The following PTPRG variants were observed in gnomAD, a reference collection of about 807,000 sequenced individuals.
The protein encoded by PTPRG is receptor-type tyrosine-protein phosphatase gamma.
In PTPRG, 102 loss-of-function variants were observed where a neutral mutation model predicts 165.3. The ratio of observed to expected loss-of-function variants is 0.62; its 90% CI spans 0.53 to 0.73. PTPRG has a LOEUF of 0.73. Ranked by LOEUF, PTPRG falls within the 30% of genes least tolerant of loss-of-function variation. The pLI is 0.00. For missense variants in PTPRG, 1,866 were observed against 1,861.4 expected, an observed-to-expected ratio of 1.00 and a Z score of -0.05; for synonymous variants, 675 against 669.5, an observed-to-expected ratio of 1.01 and a Z score of -0.13.
intron 6 of PTPRG, among the ~76,000 whole-genome samples, chr3:62,150,624 G>A (rs1211385046): frequency 1.3e-5 from 2 of 152,032 alleles, no homozygotes; most frequent in Non-Finnish European, 2.9e-5. Context: ...GGCTAGCCCT[G>A]CCCCAGTGAT....
chr3:62,197,966 C>A (rs1296005436), intron 10 of PTPRG, among the ~76,000 whole-genome samples: 1 of 151,938 alleles, frequency 6.6e-6, no homozygotes. Context: ...GATAAGGGGG[C>A]AAGTTTTAAA....
chr3:61,903,256 C>G (rs1575768421), intron 2 of PTPRG, among the ~76,000 whole-genome samples: 1 of 152,344 alleles, frequency 6.6e-6, no homozygotes, highest in East Asian at 1.9e-4. Flanking sequence ...CTCGTCCTTT[C>G]ATCTGAGTGT....
At chr3:62,263,553 T>A (rs961448316) in intron 17 of PTPRG, 4 of 152,508 alleles carry the variant, frequency 2.6e-5, no homozygotes, top group African/African-American at 9.6e-5. Context: ...GCTTTGATAC[T>A]AAGGGTAGGG....
At chr3:61,962,199 T>TGTG (rs1252105546) in intron 2 of PTPRG, among the ~76,000 whole-genome samples, 1 of 152,202 alleles carries the variant, frequency 6.6e-6, no homozygotes, top group Non-Finnish European at 1.5e-5. Context: ...TGTTTAACAT[T>TGTG]GTGGAAGACT....
At chr3:62,020,583 C>G (rs572534235) in intron 4 of PTPRG, among the ~76,000 whole-genome samples, 4 of 152,152 alleles carry the variant, frequency 2.6e-5, no homozygotes, top group Admixed American at 2.6e-4. Context: ...AACTTATTTC[C>G]ACTTAATAGA....
At chr3:62,094,657 G>A (rs1702050339) in intron 5 of PTPRG, among the ~76,000 whole-genome samples, 1 of 152,206 alleles carries the variant, frequency 6.6e-6, no homozygotes, top group Non-Finnish European at 1.5e-5. Context: ...AGCACCTGCT[G>A]AGTTGCTCAG....
intron 4 of PTPRG, among the ~76,000 whole-genome samples, chr3:62,050,104 A>G (rs1162247380): frequency 2.6e-5 from 4 of 152,200 alleles, no homozygotes; most frequent in Admixed American, 2.6e-4. Flanking sequence ...AATAGGTAAA[A>G]CAATACTGTC....
rs1056519028 is a variant in PTPRG at position 62,122,775 on chromosome 3, A to C, written c.616-9827A>C. The stretch of plus-strand genomic sequence containing the variant: ...ATTTTAAACAAACTGCTTCTTTTCA[A>C]ACTCTAGAAACGGTGACATAGCAGC... On this transcript the variant is annotated intron_variant, in intron 5 of 29. Transcript: ENST00000474889. Among the ~76,000 whole-genome samples the C allele has an allele frequency of 6.6e-5, 10 of 152,300 alleles. No individual in the cohort carries two copies. In the East Asian group the frequency reaches 1.9e-3, roughly 29 times the overall value.
At chr3:61,884,794 A>G (rs2037984456) in intron 2 of PTPRG, among the ~76,000 whole-genome samples, 1 of 152,188 alleles carries the variant, frequency 6.6e-6, no homozygotes, top group Non-Finnish European at 1.5e-5. Context: ...AGCAGGTACA[A>G]GGCTACATTG....
chr3:61,917,579 A>G (rs1404762330), intron 2 of PTPRG, among the ~76,000 whole-genome samples: 2 of 152,156 alleles, frequency 1.3e-5, no homozygotes, highest in Admixed American at 1.3e-4. Flanking sequence ...ATGTCTTAAA[A>G]TCTTGGTTAC....
At chr3:61,856,201 G>A (rs771122042) in intron 2 of PTPRG, among the ~76,000 whole-genome samples, 5 of 151,764 alleles carry the variant, frequency 3.3e-5, no homozygotes, top group South Asian at 2.1e-4. Context: ...TCTCAGTGGC[G>A]CTTAGTATAT....
intron 1 of PTPRG, among the ~76,000 whole-genome samples, chr3:61,580,940 A>G (rs1462763093): frequency 1.3e-5 from 2 of 152,272 alleles, no homozygotes; most frequent in Admixed American, 6.5e-5. Flanking sequence ...CAGGGAAGTA[A>G]TGTCTTGATG....
intron 2 of PTPRG, among the ~76,000 whole-genome samples, chr3:61,882,395 C>G (rs1189322779): frequency 6.6e-6 from 1 of 152,122 alleles, no homozygotes; most frequent in African/African-American, 2.4e-5. Flanking sequence ...TCTGAGATGA[C>G]ACAGTTTGAA....
chr3:62,082,371 T>C (rs1701611301), intron 5 of PTPRG, among the ~76,000 whole-genome samples: 2 of 152,208 alleles, frequency 1.3e-5, no homozygotes, highest in Admixed American at 1.3e-4. Flanking sequence ...CATCTGGTTG[T>C]CCAATGAACC....
intron 3 of PTPRG, among the ~76,000 whole-genome samples, chr3:61,993,463 C>T (rs2040947001): frequency 6.6e-6 from 1 of 152,078 alleles, no homozygotes; most frequent in South Asian, 2.1e-4. Flanking sequence ...AGGTGATCCG[C>T]CCACTTCTGC....
At chr3:61,600,823 G>A (rs1700844562) in intron 1 of PTPRG, among the ~76,000 whole-genome samples, 2 of 152,184 alleles carry the variant, frequency 1.3e-5, no homozygotes, top group Admixed American at 1.3e-4. Context: ...TTACAGGCTT[G>A]AGCCACTGCA....
At chr3:61,613,504 G>T (rs1019059832) in intron 1 of PTPRG, among the ~76,000 whole-genome samples, 2 of 152,168 alleles carry the variant, frequency 1.3e-5, no homozygotes, top group African/African-American at 4.8e-5. Context: ...TGAGTCAAAT[G>T]AACATTCTCT....
chr3:61,654,047 G>A (rs1702442651), intron 1 of PTPRG, among the ~76,000 whole-genome samples: 2 of 152,182 alleles, frequency 1.3e-5, no homozygotes. Context: ...TGAGATACAT[G>A]CCCTTCCAGG....
At chr3:61,682,788 A>G (rs1270181508) in intron 1 of PTPRG, among the ~76,000 whole-genome samples, 1 of 152,226 alleles carries the variant, frequency 6.6e-6, no homozygotes. Context: ...GTGATGTCAC[A>G]AATGGAGGAT....
Sources: gnomAD v4.1 joint callset for allele counts (sites outside exome capture counted in the v4.1 genomes callset) on GRCh38, gnomAD v4.1.1 for gene constraint, MANE v1.5 for transcripts, NCBI Gene and HGNC (gene_info 2026-07-23, HGNC 2026-07-21) for gene names.